The following PDE7B variants were observed in gnomAD, a reference collection of about 807,000 sequenced individuals.
PDE7B encodes phosphodiesterase 7B.
In PDE7B, 29 loss-of-function variants were observed where a neutral mutation model predicts 56.2. That is an observed-to-expected ratio of 0.52 (90% CI 0.38 to 0.70). The LOEUF is 0.70. Ranked by LOEUF, PDE7B falls within the 30% of genes least tolerant of loss-of-function variation. The pLI is 0.00. For synonymous variants in PDE7B, 197 were observed against 196.9 expected, an observed-to-expected ratio of 1.00 and a Z score of 0.00; for missense variants, 490 against 565.0, an observed-to-expected ratio of 0.87 and a Z score of 1.35.
chr6:135,950,131 TAAAAG>T (rs1301274250), intron 2 of PDE7B, among the ~76,000 whole-genome samples: 2 of 152,000 alleles, frequency 1.3e-5, no homozygotes, highest in African/African-American at 4.8e-5. Flanking sequence ...TCCTAGATGA[TAAAAG>T]AAAGAAGTAA....
intron 8 of PDE7B, chr6:136,156,087 CT>C (rs1778597927): frequency 2.6e-6 from 1 of 391,482 alleles, no homozygotes; most frequent in Admixed American, 3.6e-5. Flanking sequence ...CGCTGTTTTT[CT>C]TTTCCCATCA....
chr6:136,144,337 C>T (rs1173300481), intron 3 of PDE7B, among the ~76,000 whole-genome samples: 1 of 152,112 alleles, frequency 6.6e-6, no homozygotes, highest in Non-Finnish European at 1.5e-5. Flanking sequence ...TGCCTTACTG[C>T]ACACATTTTT....
At chr6:135,914,950 AGGTGTGGT>A (rs1287316947) in intron 1 of PDE7B, among the ~76,000 whole-genome samples, 4 of 151,808 alleles carry the variant, frequency 2.6e-5, no homozygotes, top group Admixed American at 2.6e-4. Flanking sequence ...ACAATTAGCC[AGGTGTGGT>A]GGCAGGTGCC....
chr6:135,916,383 C>CTTTT (rs201372405), intron 1 of PDE7B, among the ~76,000 whole-genome samples: 3 of 91,924 alleles, frequency 3.3e-5, no homozygotes, highest in Non-Finnish European at 4.4e-5. Context: ...CTTTTCTTTT[C>CTTTT]TTTTCTTTCT....
At chr6:136,045,927 G>A (rs1243156895) in intron 2 of PDE7B, among the ~76,000 whole-genome samples, 1 of 112,494 alleles carries the variant, frequency 8.9e-6, no homozygotes, top group African/African-American at 2.6e-5. Context: ...CTTAACCTCT[G>A]GAATTAAAGC....
At chr6:136,032,342 T>C (rs1226889798) in intron 2 of PDE7B, among the ~76,000 whole-genome samples, 1 of 152,180 alleles carries the variant, frequency 6.6e-6, no homozygotes, top group African/African-American at 2.4e-5. Flanking sequence ...CTATACAGCA[T>C]TAACTAGGGC....
chr6:136,027,187 C>G (rs770733134), intron 2 of PDE7B, among the ~76,000 whole-genome samples: 1 of 152,168 alleles, frequency 6.6e-6, no homozygotes, highest in African/African-American at 2.4e-5. Context: ...CTTCTGTTGT[C>G]GAAGCCATCC....
At chr6:135,932,541 T>C (rs771163763) in intron 1 of PDE7B, among the ~76,000 whole-genome samples, 1 of 152,160 alleles carries the variant, frequency 6.6e-6, no homozygotes, top group Non-Finnish European at 1.5e-5. Flanking sequence ...GAGGCAAACA[T>C]TGAAGTTTTA....
chr6:136,167,930 C>A (rs1778821577), intron 8 of PDE7B, among the ~76,000 whole-genome samples: 1 of 152,106 alleles, frequency 6.6e-6, no homozygotes, highest in African/African-American at 2.4e-5. Context: ...GGACACAGGA[C>A]TTCCGGAATG....
intron 7 of PDE7B, 115 bp from the exon 8 acceptor site, chr6:136,155,512 G>C (rs1327785301): frequency 2.4e-6 from 2 of 843,728 alleles, no homozygotes; most frequent in East Asian, 4.9e-5. Context: ...GTAAAGGTCT[G>C]GCTGATAGGC....
At position 136,175,799 on chromosome 6, in the gene PDE7B, AATTATT is replaced by A. The variant is rs1778967486; in HGVS notation, c.803+1912_803+1917del. ...TTCTCAGGAAGTATTTGTAGATAAA[AATTATT>A]GGTCAGAAAGGTCTGAACTTTTAAG... On this transcript the variant is annotated intron_variant, in intron 9 of 12. Transcript: ENST00000308191. Among the ~76,000 whole-genome samples, 27 of 152,230 alleles carry A rather than the reference AATTATT, an allele frequency of 1.8e-4. No individual in the cohort carries two copies. The South Asian group carries it at 5.6e-3, about 32-fold the overall frequency.
intron 8 of PDE7B, among the ~76,000 whole-genome samples, chr6:136,157,961 T>C (rs1778637651): frequency 6.6e-6 from 1 of 152,196 alleles, no homozygotes. Context: ...GTGCATACGC[T>C]CTCTTTTGTA....
chr6:135,998,906 G>A (rs2128205924), intron 2 of PDE7B, among the ~76,000 whole-genome samples: 1 of 152,180 alleles, frequency 6.6e-6, no homozygotes, highest in Non-Finnish European at 1.5e-5. Context: ...AGGGGAGAGA[G>A]TGAGAGAAAG....
chr6:136,178,437 G>T (rs575853224), intron 9 of PDE7B, among the ~76,000 whole-genome samples: 1 of 152,188 alleles, frequency 6.6e-6, no homozygotes, highest in African/African-American at 2.4e-5. Context: ...TATACCATTT[G>T]TTGACTAATA....
intron 2 of PDE7B, among the ~76,000 whole-genome samples, chr6:135,978,854 T>C (rs569779988): frequency 2.0e-5 from 3 of 151,958 alleles, no homozygotes; most frequent in Non-Finnish European, 2.9e-5. Context: ...CTTTTCCTGA[T>C]TGAATACCCT....
chr6:136,007,719 A>G (rs1280159638), intron 2 of PDE7B, among the ~76,000 whole-genome samples: 1 of 151,668 alleles, frequency 6.6e-6, no homozygotes, highest in African/African-American at 2.4e-5. Context: ...ATGTCCAGCA[A>G]TTTATTCATC....
chr6:135,879,238 T>G (rs1234558856), intron 1 of PDE7B, among the ~76,000 whole-genome samples: 1 of 152,114 alleles, frequency 6.6e-6, no homozygotes, highest in Non-Finnish European at 1.5e-5. Context: ...AAGAGTATCA[T>G]ATTAAATATA....
In PDE7B at chr6:136,156,160, C is replaced by G. The variant is rs563282367; in HGVS notation, c.711+402C>G. ...TAAGGAAAGAGAAGAGAGAATGATC[C>G]AAGTGTGTGTGTGTGTGTGTGTGTG... On this transcript the variant is annotated intron_variant, in intron 8 of 12. Transcript: ENST00000308191. 1.2e-3 allele frequency: 321 copies of G among 259,730 alleles called. 6 individuals are homozygous for G. Among genetic ancestry groups the G allele is most frequent in the South Asian group, 8.3e-3 (314 of 37,772 alleles). The allele number at this position is 259,730 out of a possible 1,614,324, so 16.1% of individuals were successfully genotyped here.
chr6:136,168,795 A>G (rs1301145271), intron 8 of PDE7B, among the ~76,000 whole-genome samples: 1 of 152,194 alleles, frequency 6.6e-6, no homozygotes, highest in Non-Finnish European at 1.5e-5. Context: ...CAAGATTTTT[A>G]GCAATAGAAC....
Sources: gnomAD v4.1 joint callset for allele counts (sites outside exome capture counted in the v4.1 genomes callset) on GRCh38, gnomAD v4.1.1 for gene constraint, MANE v1.5 for transcripts, NCBI Gene and HGNC (gene_info 2026-07-23, HGNC 2026-07-21) for gene names.